Variants in LRRC4C observed in about 807,000 individuals in gnomAD.
LRRC4C encodes the protein leucine rich repeat containing 4C, also known as leucine-rich repeat-containing protein 4C.
A neutral mutation model predicts 33.6 loss-of-function variants in LRRC4C; 5 were observed. The observed-to-expected ratio is 0.15, with a 90% CI of 0.08 to 0.31. The LOEUF is 0.31. LRRC4C is among the 10% of genes least tolerant of loss of function. The pLI is 1.00. For missense variants in LRRC4C, 560 were observed against 796.7 expected (o/e 0.70, Z 3.58); for synonymous variants, 329 against 302.0 (o/e 1.09, Z -0.93).
chr11:41,339,732 G>T (rs1318556634), intron 1 of LRRC4C, among the ~76,000 whole-genome samples: 1 of 152,166 alleles, frequency 6.6e-6, no homozygotes, highest in East Asian at 1.9e-4. Context: ...TGCACTTGGA[G>T]TAATGGTTAT....
chr11:41,442,738 G>A (rs976966596), intron 1 of LRRC4C, among the ~76,000 whole-genome samples: 6 of 151,804 alleles, frequency 4.0e-5, no homozygotes, highest in African/African-American at 1.2e-4. Flanking sequence ...CAAAGTGCTG[G>A]GATTACAGGC....
Position 40,300,102 on chromosome 11 carries a change from A to G in LRRC4C, c.-176+19526T>C, listed in dbSNP as rs117149018. 1.7e-3 allele frequency among the ~76,000 whole-genome samples: 263 copies of G among 152,212 alleles called. 1 individual carries two copies. Among genetic ancestry groups the G allele is most frequent in the East Asian group, 0.012 (64 of 5,178 alleles). On this transcript the variant is annotated intron_variant, in intron 4 of 6. Transcript: ENST00000528697. ...GTGCGAGCATGGTGGGAGCAGGAGT[A>G]AGAGAGAGAGAAAGGGGAGGTGCTA...
chr11:40,361,142 C>T (rs1947929289), intron 3 of LRRC4C, among the ~76,000 whole-genome samples: 1 of 152,090 alleles, frequency 6.6e-6, no homozygotes, highest in Non-Finnish European at 1.5e-5. Flanking sequence ...TAACATCATA[C>T]TAACTGGGCA....
chr11:40,186,805 C>G (rs1235134146), intron 5 of LRRC4C, among the ~76,000 whole-genome samples: 1 of 152,168 alleles, frequency 6.6e-6, no homozygotes, highest in African/African-American at 2.4e-5. Flanking sequence ...GTTACCGGCT[C>G]AATAAGGAAG....
chr11:41,129,755 ACT>A (rs547511496), intron 1 of LRRC4C, among the ~76,000 whole-genome samples: 136 of 151,872 alleles, frequency 9.0e-4, no homozygotes, highest in African/African-American at 3.2e-3. Flanking sequence ...CTCCTCAAAG[ACT>A]CTGATGATTA....
chr11:41,033,285 T>C (rs1037345477), intron 1 of LRRC4C, among the ~76,000 whole-genome samples: 3 of 151,998 alleles, frequency 2.0e-5, no homozygotes, highest in African/African-American at 4.8e-5. Flanking sequence ...GAAGGTGAAA[T>C]GGTTATTAAC....
chr11:40,366,325 T>G (rs1948206496), intron 3 of LRRC4C, among the ~76,000 whole-genome samples: 1 of 152,070 alleles, frequency 6.6e-6, no homozygotes, highest in Non-Finnish European at 1.5e-5. Context: ...GTACCAGCCT[T>G]GGTGATCCTT....
At chr11:41,112,803 T>C (rs76662507) in intron 1 of LRRC4C, among the ~76,000 whole-genome samples, 2,566 of 152,244 alleles carry the variant, frequency 0.017, 70 homozygotes, top group African/African-American at 0.058. Flanking sequence ...TTCATTATAC[T>C]CAAGATCATG....
chr11:40,649,641 G>A (rs1942667982), intron 2 of LRRC4C, among the ~76,000 whole-genome samples: 1 of 152,134 alleles, frequency 6.6e-6, no homozygotes, highest in Non-Finnish European at 1.5e-5. Flanking sequence ...ACAGGATTAA[G>A]AGAGTAAAGT....
chr11:41,327,938 G>A (rs1355390040), intron 1 of LRRC4C, among the ~76,000 whole-genome samples: 2 of 152,034 alleles, frequency 1.3e-5, no homozygotes, highest in Non-Finnish European at 2.9e-5. Flanking sequence ...AAATTACCCA[G>A]TCTCAGGTAT....
At chr11:40,474,597 C>G (rs1435475321) in intron 3 of LRRC4C, among the ~76,000 whole-genome samples, 2 of 152,140 alleles carry the variant, frequency 1.3e-5, no homozygotes, top group Admixed American at 1.3e-4. Context: ...TCTAATTAAA[C>G]TAAAGAGCTT....
chr11:40,348,481 A>C (rs1386492378), intron 3 of LRRC4C, among the ~76,000 whole-genome samples: 1 of 152,180 alleles, frequency 6.6e-6, no homozygotes, highest in East Asian at 1.9e-4. Flanking sequence ...AATCACGTGC[A>C]CTGGTGTAAA....
chr11:41,031,427 C>T (rs984019765), intron 1 of LRRC4C, among the ~76,000 whole-genome samples: 1 of 151,934 alleles, frequency 6.6e-6, no homozygotes, highest in African/African-American at 2.4e-5. Flanking sequence ...CAAAAGACTA[C>T]TTATGTATGT....
At chr11:41,376,949 A>C (rs1952958517) in intron 1 of LRRC4C, among the ~76,000 whole-genome samples, 1 of 152,152 alleles carries the variant, frequency 6.6e-6, no homozygotes, top group African/African-American at 2.4e-5. Context: ...TTCAATGGAA[A>C]AATGTTATGA....
intron 4 of LRRC4C, among the ~76,000 whole-genome samples, chr11:40,254,592 T>C (rs1867052921): frequency 6.6e-6 from 1 of 152,200 alleles, no homozygotes; most frequent in African/African-American, 2.4e-5. Flanking sequence ...TAATAGAACT[T>C]CTAGAATTGT....
intron 3 of LRRC4C, among the ~76,000 whole-genome samples, chr11:40,376,026 A>G (rs1260518419): frequency 6.6e-6 from 1 of 152,148 alleles, no homozygotes; most frequent in East Asian, 1.9e-4. Context: ...TGCTAAGTAA[A>G]CCTGGTACCG....
intron 2 of LRRC4C, among the ~76,000 whole-genome samples, chr11:40,850,789 T>C (rs1253781494): frequency 6.6e-6 from 1 of 152,214 alleles, no homozygotes; most frequent in Admixed American, 6.5e-5. Flanking sequence ...TATAAGTCCC[T>C]GACTGAGGCT....
intron 6 of LRRC4C, among the ~76,000 whole-genome samples, chr11:40,135,071 T>C (rs1290035570): frequency 1.3e-5 from 2 of 152,158 alleles, no homozygotes; most frequent in Admixed American, 6.5e-5. Context: ...GGCCTCCTAA[T>C]TGGAAATAGA....
At chr11:40,616,907 TAA>T (rs35938407) in intron 3 of LRRC4C, among the ~76,000 whole-genome samples, 20 of 144,908 alleles carry the variant, frequency 1.4e-4, no homozygotes, top group South Asian at 4.3e-4. Context: ...ACTTAAAGTA[TAA>T]AAAAAAAAAC....
Sources: allele counts gnomAD v4.1 joint callset (sites outside exome capture counted in the v4.1 genomes callset), GRCh38; gene constraint gnomAD v4.1.1; transcripts MANE v1.5; gene names NCBI Gene and HGNC (gene_info 2026-07-23, HGNC 2026-07-21).